The following MYH6 variants were observed in gnomAD, a reference collection of about 807,000 sequenced individuals.
The protein encoded by MYH6 is myosin-6.
Under a neutral mutation model 223.2 loss-of-function variants are expected in MYH6, and 126 were observed. The ratio of observed to expected loss-of-function variants is 0.56; its 90% CI spans 0.49 to 0.65. The LOEUF (loss-of-function observed/expected upper bound fraction) is 0.65. MYH6 is among the 30% of genes least tolerant of loss of function. MYH6 has a pLI of 0.00. For missense variants in MYH6, 2,040 were observed against 2,536.4 expected (o/e 0.80, Z 4.20); for synonymous variants, 978 against 1,010.2 (o/e 0.97, Z 0.61).
At chr14:23,396,622 T>C in intron 19 of MYH6, 72 bp downstream of exon 19, 1 of 1,612,688 alleles carries the variant, frequency 6.2e-7, no homozygotes, top group Admixed American at 1.7e-5. Flanking sequence ...GGCTTCTGCC[T>C]CCTAAACTCC....
chr14:23,392,526 G>A, intron 25 of MYH6, 36 bp downstream of exon 25: 6 of 1,459,138 alleles, frequency 4.1e-6, no homozygotes, highest in Non-Finnish European at 5.8e-6. Flanking sequence ...CAGGGCTATT[G>A]AGCTCCCACT....
At chr14:23,393,220 A>T in intron 23 of MYH6, 122 bp downstream of exon 23, 1 of 1,489,648 alleles carries the variant, frequency 6.7e-7, no homozygotes, top group Non-Finnish European at 9.3e-7. Flanking sequence ...GTGAGGAACT[A>T]CAGAGAGCAA....
intron 3 of MYH6, 76 bp downstream of exon 3, chr14:23,406,947 C>G: frequency 6.6e-7 from 1 of 1,505,708 alleles, no homozygotes; most frequent in Non-Finnish European, 9.2e-7. Context: ...CTCAGCTCCC[C>G]CTGCAAGTGG....
In MYH6 at chr14:23,407,991, G is replaced by C. The variant is rs1891839976; in HGVS notation, c.-47+262C>G. Among the ~76,000 whole-genome samples, 1 of 152,112 alleles carries C rather than the reference G, an allele frequency of 6.6e-6. No homozygotes were observed. The highest frequency in any genetic ancestry group is 2.1e-4 in the South Asian group (1 of 4,824). The stretch of plus-strand genomic sequence containing the variant: ...AGCCATCCAAAGGAGGAAGGAAGAT[G>C]GAAAGATGGAGACAACATGTAGGAG... On this transcript the variant is annotated intron_variant, in intron 1 of 38. Transcript: ENST00000405093. The surrounding 1 kb of genome is among the most constrained non-coding windows in gnomAD (Gnocchi z 5.6).
chr14:23,388,716 C>T, intron 29 of MYH6, 143 bp downstream of exon 29: 2 of 1,306,092 alleles, frequency 1.5e-6, no homozygotes, highest in Middle Eastern at 1.8e-4. Flanking sequence ...AGAGTTCAGG[C>T]TTTCTTCCAA....
At position 23,405,881 on chromosome 14, in the gene MYH6, T is replaced by A; in HGVS notation, c.202-111A>T. The A allele has an allele frequency of 7.1e-7, 1 of 1,417,320 alleles. No individual in the cohort carries two copies. Among genetic ancestry groups the A allele is most frequent in the Non-Finnish European group, 9.9e-7 (1 of 1,007,186 alleles). The allele number at this position is 1,417,320 out of a possible 1,614,324, so 87.8% of individuals were successfully genotyped here. A position where few individuals can be genotyped will look rare whatever the true frequency, so the allele number is the denominator to read the frequency against. On this transcript the variant is annotated intron_variant, in intron 3 of 38. Transcript: ENST00000405093. The surrounding 1 kb of genome is among the most constrained non-coding windows in gnomAD (Gnocchi z 4.7). ...ACACAGGGACTTGGCCTTGCTCCCC[T>A]TGCTCTGACCAGTGCCCCGGCCCCT... is the stretch of plus-strand genomic sequence containing the variant.
At chr14:23,390,521 C>G (rs1891208461) in intron 25 of MYH6, 75 bp from the exon 26 acceptor site, 5 of 1,566,690 alleles carry the variant, frequency 3.2e-6, no homozygotes, top group Admixed American at 1.9e-5. Flanking sequence ...TGAAAAGCTA[C>G]CAGGAACTTA....
intron 36 of MYH6, among the ~76,000 whole-genome samples, chr14:23,384,201 A>G (rs114199741): frequency 0.017 from 2,654 of 151,968 alleles, 74 homozygotes; most frequent in African/African-American, 0.06. Context: ...AAAAAAAAAA[A>G]AAAGAAAGAA....
rs993021475 is a variant in MYH6, at chr14:23,408,260, G to A, written c.-54C>T. 1.2e-4 allele frequency: 114 copies of A among 985,328 alleles called. No homozygotes were observed. Among genetic ancestry groups the A allele is most frequent in the Non-Finnish European group, 1.3e-4 (109 of 829,966 alleles). 61.0% of individuals were successfully genotyped at this position (985,328 alleles called of 1,614,324 possible). ...CCCCAAACCTCCTCTTACCTGGGCC[G>A]CAGGAGTCTCTCTATCTGTCCTCAA... On this transcript the variant is annotated 5_prime_UTR_variant, in exon 1 of 39. Coordinates refer to ENST00000405093, the MANE Select transcript of MYH6 (RefSeq NM_002471.4).
At chr14:23,402,150 A>G (rs563054768) in intron 12 of MYH6, among the ~76,000 whole-genome samples, 20 of 152,332 alleles carry the variant, frequency 1.3e-4, no homozygotes, top group Admixed American at 1.3e-3. Context: ...GGCTTACCCA[A>G]GGGCTGGGCA....
At position 23,384,606 on chromosome 14, in the gene MYH6, C is replaced by CT. The variant is rs1460574997; in HGVS notation, c.5400_5401insA (p.Glu1801ArgfsTer27). 2.5e-6 allele frequency: 4 copies of CT among 1,613,870 alleles called. No homozygotes were observed. Among genetic ancestry groups the CT allele is most frequent in the Non-Finnish European group, 3.4e-6 (4 of 1,180,040 alleles). ...CCCTTGAGGGCGATCTGCTCGGCCTCGTCCAGCCGGTGCTGCAGGTCCTTA... is the reference window on the plus strand; with the variant it reads ...CCCTTGAGGGCGATCTGCTCGGCCTCTGTCCAGCCGGTGCTGCAGGTCCTTA... On this transcript the variant is annotated frameshift_variant, in exon 36 of 39. Coordinates refer to ENST00000405093, the MANE Select transcript of MYH6 (RefSeq NM_002471.4). LOFTEE classifies it high-confidence loss of function.
chr14:23,385,708 T>C (rs1890997766), intron 34 of MYH6, among the ~76,000 whole-genome samples: 1 of 152,086 alleles, frequency 6.6e-6, no homozygotes, highest in South Asian at 2.1e-4. Flanking sequence ...ATTTGTGGCT[T>C]TGGCAGGTAT....
At chr14:23,398,018 CTT>C (rs1891481335) in intron 15 of MYH6, among the ~76,000 whole-genome samples, 1 of 103,116 alleles carries the variant, frequency 9.7e-6, no homozygotes, top group Non-Finnish European at 2.0e-5. Flanking sequence ...TCTTCTTCTT[CTT>C]CTTCCTTCTA....
intron 20 of MYH6, among the ~76,000 whole-genome samples, chr14:23,394,754 C>T: frequency 6.6e-6 from 1 of 152,216 alleles, no homozygotes; most frequent in East Asian, 1.9e-4. Flanking sequence ...TGCGTTCCTT[C>T]CTACACCCCT....
chr14:23,404,939 T>C, intron 6 of MYH6, 117 bp from the exon 7 acceptor site: 1 of 1,483,896 alleles, frequency 6.7e-7, no homozygotes, highest in Admixed American at 1.8e-5. Flanking sequence ...CAGCAGGATT[T>C]GCCTGACATG....
Position 23,387,854 on chromosome 14 carries a change from G to A in MYH6, c.4429C>T (p.Arg1477Cys), listed in dbSNP as rs201989347. Residue 1477 changes from arginine to cysteine, a missense_variant, in exon 31 of 39, where the codon CGC becomes TGC. Coordinates refer to ENST00000405093, the MANE Select transcript of MYH6 (RefSeq NM_002471.4). ...SELESSQKEA[R>C]SLSTELFKLK... is the part of the protein sequence containing the mutation. ...TTGAAGAGCTCTGTGCTGAGGGAGCGAGCCTCCTTCTGTGAGGACTCCAGC... is the reference window on the plus strand; with the variant it reads ...TTGAAGAGCTCTGTGCTGAGGGAGCAAGCCTCCTTCTGTGAGGACTCCAGC... The A allele has an allele frequency of 8.8e-5, 142 of 1,613,966 alleles. No individual in the cohort carries two copies. Among genetic ancestry groups the A allele is most frequent in the Middle Eastern group, 4.9e-4 (3 of 6,084 alleles).
Position 23,392,625 on chromosome 14 carries a change from G to A in MYH6, c.3279C>T (p.Asn1093=). The A allele has an allele frequency of 7.1e-7, 1 of 1,411,176 alleles. No homozygotes were observed. Among genetic ancestry groups the A allele is most frequent in the African/African-American group, 1.5e-5 (1 of 64,720 alleles). 87.4% of individuals were successfully genotyped at this position (1,411,176 alleles called of 1,614,324 possible). A position where few individuals can be genotyped will look rare whatever the true frequency, so the allele number is the denominator to read the frequency against. Residue 1093 remains asparagine, a synonymous_variant, in exon 25 of 39, where the codon AAC becomes AAT. Transcript: ENST00000405093. ...KKKEFDINQQ[N]SKIEDEQVLA... is the part of the protein sequence containing the mutation. Reference sequence around the variant, plus strand: ...GCACCTGCTCATCCTCAATCTTACTGTTCTGCTGATTAATGTCAAACTCCT... The same window carrying A: ...GCACCTGCTCATCCTCAATCTTACTATTCTGCTGATTAATGTCAAACTCCT...
chr14:23,388,579 A>G, intron 29 of MYH6: 1 of 854,488 alleles, frequency 1.2e-6, no homozygotes, highest in Non-Finnish European at 2.1e-6. Flanking sequence ...ACACAGGCTG[A>G]TCGACGGTAG....
chr14:23,388,959 G>A lies in MYH6; in HGVS notation c.4075C>T (p.Leu1359=). ...TTGGCCTTGGACAGGACGCGCTGCA[G>A]CTCGGCCTTGGCCTCTGTCTCCTCC... ...YEEETEAKAE[L]QRVLSKANSE... is the part of the protein sequence containing the mutation. Residue 1359 remains leucine, a synonymous_variant, in exon 29 of 39, where the codon CTG becomes TTG. Transcript: ENST00000405093. 6.2e-7 allele frequency: 1 copy of A among 1,613,726 alleles called. No homozygotes were observed. The highest frequency in any genetic ancestry group is 2.2e-5 in the East Asian group (1 of 44,858).
Sources: gnomAD v4.1 joint callset for allele counts (sites outside exome capture counted in the v4.1 genomes callset) on GRCh38, gnomAD v4.1.1 for gene constraint, Gnocchi (gnomAD v3.1) non-coding constraint, MANE v1.5 for transcripts, NCBI Gene and HGNC (gene_info 2026-07-23, HGNC 2026-07-21) for gene names.